DSCAM: variants seen among roughly 807,000 people sequenced by gnomAD.
DSCAM encodes cell adhesion molecule DSCAM.
Under a neutral mutation model 217.7 loss-of-function variants are expected in DSCAM, and 47 were observed. That is an observed-to-expected ratio of 0.22 (90% confidence interval 0.17 to 0.28). The LOEUF (loss-of-function observed/expected upper bound fraction) is 0.28. Among genes scored for constraint, DSCAM ranks in the 10% least tolerant of loss-of-function variants. The pLI, the probability that DSCAM is intolerant of heterozygous loss-of-function variation, is 1.00. For synonymous variants in DSCAM, 1,056 were observed against 1,015.3 expected (o/e 1.04, Z -0.76); for missense variants, 2,080 against 2,618.3 (o/e 0.79, Z 4.49).
intron 3 of DSCAM, among the ~76,000 whole-genome samples, chr21:40,558,273 C>T (rs1286071544): frequency 6.6e-6 from 1 of 151,678 alleles, no homozygotes; most frequent in Non-Finnish European, 1.5e-5. Flanking sequence ...GGTGAAACCC[C>T]GTCTCTACTA....
At chr21:40,238,621 G>A (rs2073108823) in intron 11 of DSCAM, among the ~76,000 whole-genome samples, 2 of 152,132 alleles carry the variant, frequency 1.3e-5, no homozygotes, top group African/African-American at 4.8e-5. Flanking sequence ...CATAGCAGCT[G>A]GGGGAAAAGA....
At chr21:40,035,485 C>A (rs1354710872) in intron 32 of DSCAM, among the ~76,000 whole-genome samples, 1 of 130,592 alleles carries the variant, frequency 7.7e-6, no homozygotes, top group Non-Finnish European at 1.6e-5. Flanking sequence ...TATATATGCA[C>A]CCAATACAGG....
intron 5 of DSCAM, among the ~76,000 whole-genome samples, chr21:40,350,187 G>C (rs757498995): frequency 2.0e-5 from 3 of 152,108 alleles, no homozygotes; most frequent in Non-Finnish European, 4.4e-5. Flanking sequence ...AGAAACGCTA[G>C]AAGAAAACCT....
chr21:40,206,304 A>G (rs1048794715), intron 11 of DSCAM, among the ~76,000 whole-genome samples: 1 of 151,988 alleles, frequency 6.6e-6, no homozygotes, highest in Non-Finnish European at 1.5e-5. Context: ...GCTGGGGAAA[A>G]GCACCTGAGG....
chr21:40,309,959 A>G (rs2074119995), intron 9 of DSCAM, among the ~76,000 whole-genome samples: 1 of 152,206 alleles, frequency 6.6e-6, no homozygotes, highest in Non-Finnish European at 1.5e-5. Flanking sequence ...CAACTCTTTA[A>G]TCTAGAAGAA....
At chr21:40,403,036 C>A (rs1443793515) in intron 3 of DSCAM, among the ~76,000 whole-genome samples, 1 of 151,998 alleles carries the variant, frequency 6.6e-6, no homozygotes, top group Non-Finnish European at 1.5e-5. Flanking sequence ...CAATATCCTT[C>A]ACTAGACACT....
chr21:40,360,043 C>T (rs2123670413), intron 4 of DSCAM, among the ~76,000 whole-genome samples: 1 of 148,626 alleles, frequency 6.7e-6, no homozygotes, highest in African/African-American at 2.5e-5. Context: ...AGATTTGTTA[C>T]ATGGGAATAT....
intron 19 of DSCAM, among the ~76,000 whole-genome samples, chr21:40,129,881 G>A (rs1022309631): frequency 3.3e-5 from 5 of 152,168 alleles, no homozygotes; most frequent in African/African-American, 1.2e-4. Context: ...TCAAAGTATG[G>A]GTGGTCAGAA....
chr21:40,233,828 C>T (rs903951648), intron 11 of DSCAM, among the ~76,000 whole-genome samples: 1 of 152,202 alleles, frequency 6.6e-6, no homozygotes, highest in Non-Finnish European at 1.5e-5. Flanking sequence ...GACCTGGTAT[C>T]ACTCCAATTC....
At chr21:40,572,874 T>C (rs760200897) in intron 3 of DSCAM, among the ~76,000 whole-genome samples, 2 of 152,126 alleles carry the variant, frequency 1.3e-5, no homozygotes, top group East Asian at 1.9e-4. Flanking sequence ...TCAAAGAACA[T>C]AGGAGATTTT....
chr21:40,052,382 G>T (rs1020396575), intron 29 of DSCAM, among the ~76,000 whole-genome samples: 10 of 152,094 alleles, frequency 6.6e-5, no homozygotes, highest in African/African-American at 2.4e-4. Flanking sequence ...TTCTCTTTGG[G>T]CTTGGCTTTT....
At chr21:40,799,735 C>A (rs1348109537) in intron 1 of DSCAM, among the ~76,000 whole-genome samples, 1 of 152,160 alleles carries the variant, frequency 6.6e-6, no homozygotes, top group African/African-American at 2.4e-5. Context: ...TTTTACTATC[C>A]TTCTGATCTC....
At chr21:40,017,134 A>G (rs2088173434) in intron 32 of DSCAM, among the ~76,000 whole-genome samples, 1 of 152,058 alleles carries the variant, frequency 6.6e-6, no homozygotes, top group South Asian at 2.1e-4. Context: ...TAAGAGAACT[A>G]AAAATAAATA....
chr21:40,565,968 C>T (rs1005548578), intron 3 of DSCAM, among the ~76,000 whole-genome samples: 1 of 152,170 alleles, frequency 6.6e-6, no homozygotes, highest in Non-Finnish European at 1.5e-5. Context: ...CCAAGAGAAG[C>T]TTCATGAAAA....
rs779402656 is a variant in DSCAM, at chr21:40,188,022, A to T, written c.2554-35T>A. On this transcript the variant is annotated intron_variant, in intron 12 of 32. Transcript: ENST00000400454. Reference sequence around the variant, plus strand: ...AAGCAGAAAGAAATTCATCTTTTTCAGTAGGCAAAATGACTTTGAGCCGTA... The same window carrying T: ...AAGCAGAAAGAAATTCATCTTTTTCTGTAGGCAAAATGACTTTGAGCCGTA... 5 of 1,558,606 alleles carry T rather than the reference A, an allele frequency of 3.2e-6. No individual in the cohort carries two copies. In the African/African-American group the frequency reaches 6.8e-5, roughly 21 times the overall value.
intron 3 of DSCAM, among the ~76,000 whole-genome samples, chr21:40,421,887 A>G (rs750856151): frequency 1.3e-5 from 2 of 152,224 alleles, no homozygotes; most frequent in Non-Finnish European, 2.9e-5. Context: ...AGAGGTCTAC[A>G]GAGCCAACCT....
intron 8 of DSCAM, among the ~76,000 whole-genome samples, chr21:40,327,022 T>C (rs768892405): frequency 9.2e-5 from 14 of 151,736 alleles, no homozygotes; most frequent in Non-Finnish European, 1.9e-4. Context: ...CACAATTTTA[T>C]TGAATTTATA....
intron 26 of DSCAM, among the ~76,000 whole-genome samples, chr21:40,076,364 G>T (rs373662739): frequency 2.8e-4 from 42 of 152,208 alleles, no homozygotes; most frequent in African/African-American, 1.0e-3. Flanking sequence ...GAAAGAGTGA[G>T]ATCATTAAAT....
At position 40,187,786 on chromosome 21, in the gene DSCAM, G is replaced by A. The variant is rs374741878; in HGVS notation, c.2650+105C>T. The A allele has an allele frequency of 1.8e-4, 182 of 1,003,854 alleles. 1 individual carries two copies. The African/African-American group carries it at 2.7e-3, about 15-fold the overall frequency. The allele number at this position is 1,003,854 out of a possible 1,614,324, so 62.2% of individuals were successfully genotyped here. A position where few individuals can be genotyped will look rare whatever the true frequency, so the allele number is the denominator to read the frequency against. The stretch of plus-strand genomic sequence containing the variant: ...ATATTCAAAATTTCCTGGGAATTAG[G>A]AAGTGTTACATGGCAAGTTGAGGAC... On this transcript the variant is annotated intron_variant, in intron 13 of 32. Coordinates refer to ENST00000400454, the MANE Select transcript of DSCAM (RefSeq NM_001389.5).
Sources: gnomAD v4.1 joint callset for allele counts (sites outside exome capture counted in the v4.1 genomes callset) on GRCh38, gnomAD v4.1.1 for gene constraint, MANE v1.5 for transcripts, NCBI Gene and HGNC (gene_info 2026-07-23, HGNC 2026-07-21) for gene names.